Variants in SVOPL observed in about 807,000 individuals in gnomAD.
The protein encoded by SVOPL is putative transporter SVOPL.
A neutral mutation model predicts 61.0 loss-of-function variants in SVOPL; 60 were observed. That is an observed-to-expected ratio of 0.98 (90% confidence interval 0.80 to 1.22). The LOEUF (loss-of-function observed/expected upper bound fraction) is 1.22. SVOPL is among the 50% of genes most tolerant of loss of function. The pLI, the probability that SVOPL is intolerant of heterozygous loss-of-function variation, is 0.00. For synonymous variants in SVOPL, 279 were observed against 250.0 expected, an observed-to-expected ratio of 1.12 and a Z score of -1.09; for missense variants, 662 against 643.9, an observed-to-expected ratio of 1.03 and a Z score of -0.30.
At chr7:138,651,377 TAGAC>T (rs1049453220) in intron 7 of SVOPL, among the ~76,000 whole-genome samples, 4 of 152,292 alleles carry the variant, frequency 2.6e-5, no homozygotes, top group African/African-American at 4.8e-5. Context: ...TACAAAATAA[TAGAC>T]AGTGTATCAA....
chr7:138,675,670 T>G (rs1450076142), intron 3 of SVOPL, among the ~76,000 whole-genome samples: 5 of 152,024 alleles, frequency 3.3e-5, no homozygotes, highest in Non-Finnish European at 7.4e-5. Context: ...CAACCCTTTC[T>G]TATACTTTTT....
intron 1 of SVOPL, among the ~76,000 whole-genome samples, chr7:138,690,214 G>A (rs767861353): frequency 1.3e-5 from 2 of 152,182 alleles, no homozygotes; most frequent in Non-Finnish European, 2.9e-5. Context: ...GGCAGCCCTA[G>A]GGAACTAATA....
intron 8 of SVOPL, among the ~76,000 whole-genome samples, chr7:138,648,634 G>C (rs943607517): frequency 3.3e-5 from 5 of 152,082 alleles, no homozygotes; most frequent in African/African-American, 4.8e-5. Flanking sequence ...CGTGAACCCG[G>C]GAGGCGGAGC....
intron 9 of SVOPL, among the ~76,000 whole-genome samples, chr7:138,633,146 C>A (rs1430522744): frequency 6.6e-6 from 1 of 152,182 alleles, no homozygotes; most frequent in Non-Finnish European, 1.5e-5. Flanking sequence ...GCTTTCTGAA[C>A]TCCAAACCCA....
chr7:138,662,836 A>T, intron 5 of SVOPL: 1 of 1,371,508 alleles, frequency 7.3e-7, no homozygotes, highest in Non-Finnish European at 9.4e-7. Flanking sequence ...GAACTCTATA[A>T]TACCCGCATC....
chr7:138,648,292 A>G (rs1019069890), intron 8 of SVOPL, among the ~76,000 whole-genome samples: 1 of 152,062 alleles, frequency 6.6e-6, no homozygotes, highest in Non-Finnish European at 1.5e-5. Context: ...TGGTTGAGAC[A>G]GACTCCTCAA....
intron 14 of SVOPL, among the ~76,000 whole-genome samples, chr7:138,617,439 G>A (rs1799351157): frequency 6.6e-6 from 1 of 152,160 alleles, no homozygotes; most frequent in African/African-American, 2.4e-5. Flanking sequence ...AAGAACAAGA[G>A]GAAGAATTAA....
chr7:138,608,992 G>C (rs566345321), intron 14 of SVOPL, among the ~76,000 whole-genome samples: 1 of 152,094 alleles, frequency 6.6e-6, no homozygotes, highest in African/African-American at 2.4e-5. Flanking sequence ...ATTTATGAAA[G>C]GCTCTTACAG....
At chr7:138,617,172 G>A (rs1400335090) in intron 14 of SVOPL, among the ~76,000 whole-genome samples, 2 of 152,130 alleles carry the variant, frequency 1.3e-5, no homozygotes, top group African/African-American at 4.8e-5. Flanking sequence ...GTTTCACCGT[G>A]TTGGCCAGGC....
chr7:138,626,584 G>A (rs1799902819), intron 12 of SVOPL, among the ~76,000 whole-genome samples: 1 of 152,068 alleles, frequency 6.6e-6, no homozygotes, highest in African/African-American at 2.4e-5. Flanking sequence ...GTAGAGATGG[G>A]GTTTTGCCAT....
chr7:138,606,984 C>A (rs1324820184), intron 14 of SVOPL, among the ~76,000 whole-genome samples: 1 of 150,922 alleles, frequency 6.6e-6, no homozygotes, highest in Middle Eastern at 3.4e-3. Context: ...AAAAAGAATT[C>A]TATGGAGGAC....
At chr7:138,699,219 T>G (rs138210559) in intron 1 of SVOPL, among the ~76,000 whole-genome samples, 4,805 of 151,158 alleles carry the variant, frequency 0.032, 95 homozygotes, top group Middle Eastern at 0.079. Flanking sequence ...CAGGAGAATC[T>G]CTTGAACCTG....
chr7:138,632,994 G>C (rs150935239), intron 9 of SVOPL, among the ~76,000 whole-genome samples: 2,623 of 152,204 alleles, frequency 0.017, 40 homozygotes, highest in Non-Finnish European at 0.027. Flanking sequence ...TTATGTTGTA[G>C]TCTCTATAAA....
At chr7:138,598,365 T>C (rs1422021191) in intron 14 of SVOPL, among the ~76,000 whole-genome samples, 2 of 151,984 alleles carry the variant, frequency 1.3e-5, no homozygotes, top group Non-Finnish European at 2.9e-5. Flanking sequence ...AAAGGAAAAA[T>C]AGACATCCAC....
intron 1 of SVOPL, chr7:138,688,903 G>A (rs56406915): frequency 0.22 from 97,800 of 439,674 alleles, 11,994 homozygotes; most frequent in African/African-American, 0.38. Flanking sequence ...TTTGGAATTA[G>A]GATCATTGCA....
intron 9 of SVOPL, among the ~76,000 whole-genome samples, chr7:138,636,168 T>C (rs920418707): frequency 2.0e-5 from 3 of 152,104 alleles, no homozygotes; most frequent in Admixed American, 2.0e-4. Flanking sequence ...GACCCAGTGA[T>C]TCACCTGCCT....
intron 14 of SVOPL, chr7:138,596,948 A>G (rs1295938308): frequency 2.7e-6 from 3 of 1,119,950 alleles, no homozygotes; most frequent in Non-Finnish European, 3.3e-6. Flanking sequence ...GACAGCATGA[A>G]ACAGGTGAAA....
chr7:138,594,449 TAC>T lies in SVOPL; in HGVS notation c.*159_*160del. 2.1e-6 allele frequency: 1 copy of T among 471,344 alleles called. No homozygotes were observed. The highest frequency in any genetic ancestry group is 3.7e-6 in the Non-Finnish European group (1 of 267,852). The allele number at this position is 471,344 out of a possible 1,614,324, so 29.2% of individuals were successfully genotyped here. On this transcript the variant is annotated 3_prime_UTR_variant, in exon 16 of 16. Coordinates refer to ENST00000674285, the MANE Select transcript of SVOPL (RefSeq NM_001139456.2). ...TTGTTCCTCAAGGAAGAGATCAATA[TAC>T]AGTTACCTACCCCATTCCCATATAT... is the stretch of plus-strand genomic sequence containing the variant.
chr7:138,661,742 C>T (rs183516831), intron 5 of SVOPL: 21 of 868,528 alleles, frequency 2.4e-5, no homozygotes, highest in Admixed American at 1.2e-4. Flanking sequence ...CTTTTCTCTC[C>T]TCCTTTAAAA....
Sources: gnomAD v4.1 joint callset for allele counts (sites outside exome capture counted in the v4.1 genomes callset) on GRCh38, gnomAD v4.1.1 for gene constraint, MANE v1.5 for transcripts, NCBI Gene and HGNC (gene_info 2026-07-23, HGNC 2026-07-21) for gene names.